The following SKOR2 variants were observed in gnomAD, a reference collection of about 807,000 sequenced individuals.
SKOR2 encodes the protein SKI family transcriptional corepressor 2, also known as LBX1 corepressor 1-like protein.
Under a neutral mutation model 69.1 loss-of-function variants are expected in SKOR2, and 47 were observed. The observed-to-expected ratio is 0.68, with a 90% CI of 0.54 to 0.87. The LOEUF is 0.87. Among genes scored for constraint, SKOR2 ranks in the 40% least tolerant of loss-of-function variants. The probability of loss-of-function intolerance (pLI) is 0.00; values close to 1 mark genes in which losing one functional copy is unlikely to be tolerated. For synonymous variants in SKOR2, 717 were observed against 672.6 expected (o/e 1.07, Z -1.02); for missense variants, 1,404 against 1,472.2 (o/e 0.95, Z 0.76).
intron 6 of SKOR2, among the ~76,000 whole-genome samples, chr18:47,229,015 A>T (rs758875483): frequency 1.3e-5 from 2 of 152,144 alleles, no homozygotes; most frequent in African/African-American, 2.4e-5. Flanking sequence ...GTTCTCTTCC[A>T]TCATGCAGTT....
In SKOR2 at chr18:47,248,592, A is replaced by G. The variant is rs2064296016; in HGVS notation, c.592T>C (p.Tyr198His). ...AAGTTGGCTGCGTCTGGCTGAGTGT[A>G]CTTGGCGTCGGGCGTGCGGTGGGAG... The part of the protein sequence containing the change: ...FHSHRTPDAK[Y>H]TQPDAANFNS... Residue 198 changes from tyrosine to histidine, a missense_variant, in exon 2 of 9, where the codon TAC becomes CAC. By Grantham distance (83) the Tyr-to-His change is moderately conservative (BLOSUM62 2). Around this residue, in one of 3 missense-constraint regions of SKOR2, gnomAD observed 1,266 missense variants for 1,309.9 expected, o/e 0.97. Transcript: ENST00000425639. The surrounding 1 kb of genome is among the most constrained non-coding windows in gnomAD (Gnocchi z 6.4). 5.8e-6 allele frequency: 9 copies of G among 1,541,046 alleles called. No homozygotes were observed. Among genetic ancestry groups the G allele is most frequent in the Non-Finnish European group, 7.8e-6 (9 of 1,148,566 alleles).
Position 47,248,536 on chromosome 18 carries a change from G to C in SKOR2, c.648C>G (p.Thr216=), listed in dbSNP as rs1481783458. ...FNSWRRHLKL[T]DKSPQDELVF... ...CCAGCTCGTCCTGGGGACTCTTGTC[G>C]GTGAGCTTGAGATGACGGCGCCACG... The change falls in exon 2 of 9, where the codon ACC becomes ACG. Residue 216 remains threonine (T), a synonymous_variant. Transcript: ENST00000425639. This position sits in a 1 kb window ranked among gnomAD's most constrained non-coding sequence, Gnocchi z 6.4. 1 of 1,537,200 alleles carries C rather than the reference G, an allele frequency of 6.5e-7. No homozygotes were observed. Among genetic ancestry groups the C allele is most frequent in the African/African-American group, 1.4e-5 (1 of 73,048 alleles).
At chr18:47,240,204 C>A (rs557368492) in intron 4 of SKOR2, among the ~76,000 whole-genome samples, 2 of 152,112 alleles carry the variant, frequency 1.3e-5, no homozygotes, top group East Asian at 3.9e-4. Flanking sequence ...ATGGCACCAG[C>A]GTTTCTCCAG....
At chr18:47,218,844 T>A (rs2064152362) in intron 7 of SKOR2, among the ~76,000 whole-genome samples, 1 of 152,166 alleles carries the variant, frequency 6.6e-6, no homozygotes, top group Non-Finnish European at 1.5e-5. Flanking sequence ...AAAACCAACA[T>A]GAGAAGAAAA....
chr18:47,239,347 G>GA (rs970099563), intron 4 of SKOR2, among the ~76,000 whole-genome samples: 29 of 145,820 alleles, frequency 2.0e-4, no homozygotes, highest in East Asian at 1.6e-3. Context: ...GAACAGAAAA[G>GA]AAAAAAAAAT....
intron 6 of SKOR2, among the ~76,000 whole-genome samples, chr18:47,221,911 T>G (rs2064162837): frequency 6.6e-6 from 1 of 152,164 alleles, no homozygotes; most frequent in Non-Finnish European, 1.5e-5. Context: ...ACCAGCAGGT[T>G]GAGATTCTGC....
chr18:47,238,015 C>T (rs971485996), intron 4 of SKOR2, among the ~76,000 whole-genome samples: 2 of 152,052 alleles, frequency 1.3e-5, no homozygotes, highest in Non-Finnish European at 2.9e-5. Flanking sequence ...TTTCCTACTC[C>T]TTGTCTTGGC....
intron 1 of SKOR2, among the ~76,000 whole-genome samples, chr18:47,249,874 C>G (rs1398009648): frequency 6.6e-6 from 1 of 152,124 alleles, no homozygotes; most frequent in Non-Finnish European, 1.5e-5. Context: ...GAAAAATGTA[C>G]AAAGTCATAT....
In SKOR2 at chr18:47,247,032, A is replaced by G; in HGVS notation, c.2152T>C (p.Ser718Pro). The change falls in exon 2 of 9, where the codon TCT becomes CCT. Residue 718 changes from serine (S) to proline (P), a missense_variant. Coordinates refer to ENST00000425639, the MANE Select transcript of SKOR2 (RefSeq NM_001278063.4). The surrounding 1 kb of genome is among the most constrained non-coding windows in gnomAD (Gnocchi z 6.6). ...TAGCAGCAGCTGGTTCCCCCGGGAGACAGAAGGCCTCGGTGGTGCGGGTGC... is the reference window on the plus strand; with the variant it reads ...TAGCAGCAGCTGGTTCCCCCGGGAGGCAGAAGGCCTCGGTGGTGCGGGTGC... ...AQHPHHRGLL[S>P]PGGTSCCYPS... 6.8e-7 allele frequency: 1 copy of G among 1,479,972 alleles called. No individual in the cohort carries two copies. The highest frequency in any genetic ancestry group is 8.9e-7 in the Non-Finnish European group (1 of 1,121,786). The allele number at this position is 1,479,972 out of a possible 1,614,324, so 91.7% of individuals were successfully genotyped here.
At chr18:47,249,574 T>A (rs1207358687) in intron 1 of SKOR2, among the ~76,000 whole-genome samples, 3 of 152,258 alleles carry the variant, frequency 2.0e-5, no homozygotes, top group African/African-American at 7.2e-5. Flanking sequence ...ATAGTAACGA[T>A]AGTTGTAACT....
In SKOR2 at chr18:47,246,623, G is replaced by A. The variant is rs2064274672; in HGVS notation, c.2561C>T (p.Pro854Leu). The A allele has an allele frequency of 6.6e-7, 1 of 1,522,474 alleles. No homozygotes were observed. The allele number at this position is 1,522,474 out of a possible 1,614,324, so 94.3% of individuals were successfully genotyped here. Reference sequence around the variant, plus strand: ...TGATGGATGGTGAACTGGGCTGCCCGGGCTGCTGCTGCCGCCGCCACTCGC... The same window carrying A: ...TGATGGATGGTGAACTGGGCTGCCCAGGCTGCTGCTGCCGCCGCCACTCGC... The part of the protein sequence containing the change: ...QKASGGGSSS[P>L]GSPVHHPSLE... The change falls in exon 2 of 9, where the codon CCG becomes CTG. Residue 854 changes from proline to leucine, a missense_variant. Pro to Leu is a moderately conservative substitution (Grantham distance 98). Around this residue, in one of 3 missense-constraint regions of SKOR2, gnomAD observed 1,266 missense variants for 1,309.9 expected, o/e 0.97. Coordinates refer to ENST00000425639, the MANE Select transcript of SKOR2 (RefSeq NM_001278063.4).
At chr18:47,214,855 C>T (rs1194688952) in intron 7 of SKOR2, among the ~76,000 whole-genome samples, 8 of 152,056 alleles carry the variant, frequency 5.3e-5, no homozygotes, top group Admixed American at 1.3e-4. Context: ...AAATCTCCTA[C>T]AATAGGACTT....
At chr18:47,226,834 T>C (rs1341659527) in intron 6 of SKOR2, among the ~76,000 whole-genome samples, 1 of 152,140 alleles carries the variant, frequency 6.6e-6, no homozygotes, top group African/African-American at 2.4e-5. Context: ...AAGAGGTAGG[T>C]AGTAGTATTG....
chr18:47,221,792 G>T (rs1332447356), intron 6 of SKOR2, among the ~76,000 whole-genome samples: 1 of 152,094 alleles, frequency 6.6e-6, no homozygotes, highest in Non-Finnish European at 1.5e-5. Context: ...TTCTTAGAGG[G>T]CAGGAAGATA....
chr18:47,212,103 G>A lies in SKOR2; in HGVS notation c.3034C>T (p.Leu1012Phe), dbSNP rs1254492436. The A allele has an allele frequency of 8.1e-7, 1 of 1,231,936 alleles. No individual in the cohort carries two copies. The highest frequency in any genetic ancestry group is 1.0e-6 in the Non-Finnish European group (1 of 987,896). 76.3% of individuals were successfully genotyped at this position (1,231,936 alleles called of 1,614,324 possible). A position where few individuals can be genotyped will look rare whatever the true frequency, so the allele number is the denominator to read the frequency against. ...LIRKEKLGAH[L>F]SKS ...GATCTTACCTTTTAGCTTTTGCTGAGATGGGCGCCAAGCTTTTCTTTCCTG... is the reference window on the plus strand; with the variant it reads ...GATCTTACCTTTTAGCTTTTGCTGAAATGGGCGCCAAGCTTTTCTTTCCTG... Residue 1012 changes from leucine to phenylalanine, a missense_variant, in exon 8 of 9, where the codon CTC becomes TTC. Transcript: ENST00000425639.
At chr18:47,231,283 CT>C in intron 4 of SKOR2, 1 of 1,017,490 alleles carries the variant, frequency 9.8e-7, no homozygotes, top group Non-Finnish European at 1.4e-6. Flanking sequence ...CGCCATCCAT[CT>C]TTACAAGGAA....
intron 4 of SKOR2, among the ~76,000 whole-genome samples, chr18:47,239,088 T>C (rs1227666528): frequency 6.6e-6 from 1 of 152,250 alleles, no homozygotes. Flanking sequence ...ATAATTTGGA[T>C]AGGGTCAAAG....
intron 4 of SKOR2, among the ~76,000 whole-genome samples, chr18:47,237,846 C>A (rs1358806000): frequency 6.6e-6 from 1 of 151,888 alleles, no homozygotes; most frequent in East Asian, 1.9e-4. Flanking sequence ...CTATGCCAGG[C>A]TAATTTTTAA....
In SKOR2 at chr18:47,247,625, G is replaced by C; in HGVS notation, c.1559C>G (p.Ala520Gly). 1 of 1,329,430 alleles carries C rather than the reference G, an allele frequency of 7.5e-7. No individual in the cohort carries two copies. The allele number at this position is 1,329,430 out of a possible 1,614,324, so 82.4% of individuals were successfully genotyped here. A position where few individuals can be genotyped will look rare whatever the true frequency, so the allele number is the denominator to read the frequency against. ...FLDLAEPGGA[A>G]GSAEAAPPPG... ...CGGGGGCGCGGCCTCGGCGCTCCCA[G>C]CAGCACCGCCTGGCTCAGCCAGGTC... The change falls in exon 2 of 9, where the codon GCT becomes GGT. Residue 520 changes from alanine to glycine, a missense_variant. Around this residue, in one of 3 missense-constraint regions of SKOR2, gnomAD observed 1,266 missense variants for 1,309.9 expected, o/e 0.97. Transcript: ENST00000425639. The surrounding 1 kb of genome is among the most constrained non-coding windows in gnomAD (Gnocchi z 6.6).
Sources: gnomAD v4.1 joint callset for allele counts (sites outside exome capture counted in the v4.1 genomes callset) on GRCh38, gnomAD v4.1.1 for gene constraint, gnomAD v4.1.1 regional missense constraint, Gnocchi (gnomAD v3.1) non-coding constraint, MANE v1.5 for transcripts, NCBI Gene and HGNC (gene_info 2026-07-23, HGNC 2026-07-21) for gene names.